Variants in INPP5A observed in about 807,000 individuals in gnomAD.
The protein encoded by INPP5A is inositol polyphosphate-5-phosphatase A.
In INPP5A, 14 loss-of-function variants were observed where a neutral mutation model predicts 65.2. The ratio of observed to expected loss-of-function variants is 0.21; its 90% CI spans 0.14 to 0.34. The LOEUF (loss-of-function observed/expected upper bound fraction) is 0.34, where lower values mean the gene tolerates loss of function less well. INPP5A is among the 10% of genes least tolerant of loss of function. The pLI is 1.00. For synonymous variants in INPP5A, 207 were observed against 208.3 expected, an observed-to-expected ratio of 0.99 and a Z score of 0.05; for missense variants, 431 against 545.6, an observed-to-expected ratio of 0.79 and a Z score of 2.09.
In INPP5A at chr10:132,727,439, G is replaced by C. The variant is rs1264728771; in HGVS notation, c.732+534G>C. On this transcript the variant is annotated intron_variant, in intron 9 of 15. Coordinates refer to ENST00000368594, the MANE Select transcript of INPP5A (RefSeq NM_005539.5). This position sits in a 1 kb window ranked among gnomAD's most constrained non-coding sequence, Gnocchi z 6.5. ...CTGGGTGTGGGAACTCAGGGGTCCA[G>C]GGTGCTCCTGGGTGTGCTTTCGGGC... is the stretch of plus-strand genomic sequence containing the variant. The C allele has an allele frequency of 6.6e-6, 1 of 152,410 alleles. No individual in the cohort carries two copies. Among genetic ancestry groups the C allele is most frequent in the East Asian group, 1.9e-4 (1 of 5,204 alleles). The allele number at this position is 152,410 out of a possible 1,614,324, so 9.4% of individuals were successfully genotyped here.
chr10:132,683,438 C>T (rs2133461673), intron 4 of INPP5A, among the ~76,000 whole-genome samples: 1 of 152,288 alleles, frequency 6.6e-6, no homozygotes, highest in East Asian at 1.9e-4. Context: ...GGTGACACAG[C>T]AAGGCTGTTA....
chr10:132,708,460 C>T (rs975641871), intron 7 of INPP5A, 95 bp downstream of exon 7: 2 of 1,284,098 alleles, frequency 1.6e-6, no homozygotes, highest in East Asian at 2.3e-5. Context: ...ATTGGAGGCT[C>T]TACTGATTTT....
At chr10:132,642,371 C>T (rs1258968946) in intron 2 of INPP5A, among the ~76,000 whole-genome samples, 1 of 152,220 alleles carries the variant, frequency 6.6e-6, no homozygotes, top group African/African-American at 2.4e-5. Context: ...GCCATCCTCT[C>T]GCATCAGGGC....
At chr10:132,570,118 T>C (rs2071322743) in intron 1 of INPP5A, among the ~76,000 whole-genome samples, 1 of 151,426 alleles carries the variant, frequency 6.6e-6, no homozygotes, top group Non-Finnish European at 1.5e-5. Flanking sequence ...TTTTTTTAAT[T>C]GAATTTTTAG....
In INPP5A at chr10:132,707,264, C is replaced by T. The variant is rs117481810; in HGVS notation, c.475-1049C>T. On this transcript the variant is annotated intron_variant, in intron 6 of 15. Transcript: ENST00000368594. The surrounding 1 kb of genome is among the most constrained non-coding windows in gnomAD (Gnocchi z 5.5). ...AGCAGCCCCTGTCCACCTCCGCCCC[C>T]GATGGCGCCAGGCATATGGCTGCTG... Among the ~76,000 whole-genome samples the T allele has an allele frequency of 7.0e-3, 1,063 of 152,338 alleles. 5 individuals are homozygous for T. The highest frequency in any genetic ancestry group is 0.024 in the South Asian group (118 of 4,826).
chr10:132,646,863 T>C (rs929210402), intron 3 of INPP5A, among the ~76,000 whole-genome samples: 3 of 152,306 alleles, frequency 2.0e-5, no homozygotes, highest in African/African-American at 4.8e-5. Flanking sequence ...GCTGCTGCCA[T>C]GCTCTGTGGG....
chr10:132,717,294 G>T (rs1845757554), intron 8 of INPP5A, among the ~76,000 whole-genome samples: 2 of 145,390 alleles, frequency 1.4e-5, no homozygotes, highest in Non-Finnish European at 2.9e-5. Flanking sequence ...AAGGGTTGGG[G>T]CTCCGAGGCT....
intron 8 of INPP5A, among the ~76,000 whole-genome samples, chr10:132,722,901 A>C (rs138685037): frequency 3.2e-4 from 48 of 152,350 alleles, no homozygotes; most frequent in African/African-American, 9.6e-4. Flanking sequence ...TTTTAGAACA[A>C]CTGTTTTTTT....
chr10:132,539,509 C>G (rs916568848), intron 1 of INPP5A, among the ~76,000 whole-genome samples: 1 of 152,142 alleles, frequency 6.6e-6, no homozygotes, highest in African/African-American at 2.4e-5. Flanking sequence ...TCTGGAGAGA[C>G]CAGGGAGCTG....
Position 132,705,298 on chromosome 10 carries a change from C to T in INPP5A, c.475-3015C>T, listed in dbSNP as rs1355009136. Among the ~76,000 whole-genome samples the T allele has an allele frequency of 3.9e-5, 6 of 152,332 alleles. No individual in the cohort carries two copies. The South Asian group carries it at 6.2e-4, about 16-fold the overall frequency. On this transcript the variant is annotated intron_variant, in intron 6 of 15. Coordinates refer to ENST00000368594, the MANE Select transcript of INPP5A (RefSeq NM_005539.5). This position sits in a 1 kb window ranked among gnomAD's most constrained non-coding sequence, Gnocchi z 4.9. ...AATCAGAGACAAGTGTCTGGTGCAG[C>T]ACGCAGGGAGCCTGCCACCCCGCCA...
rs1272147316 is a variant in INPP5A, at chr10:132,676,557, C to T, written c.307-13835C>T. ...AAGGTCCATGATAATGGGCTGAACA[C>T]AAGCAGGTGACTGTGTGGGACAGGG... On this transcript the variant is annotated intron_variant, in intron 4 of 15. Coordinates refer to ENST00000368594, the MANE Select transcript of INPP5A (RefSeq NM_005539.5). This position sits in a 1 kb window ranked among gnomAD's most constrained non-coding sequence, Gnocchi z 4.0. Among the ~76,000 whole-genome samples the T allele has an allele frequency of 1.3e-5, 2 of 152,188 alleles. No individual in the cohort carries two copies. The highest frequency in any genetic ancestry group is 1.5e-5 in the Non-Finnish European group (1 of 68,030).
At chr10:132,588,555 G>GC (rs1052623784) in intron 1 of INPP5A, among the ~76,000 whole-genome samples, 1 of 152,254 alleles carries the variant, frequency 6.6e-6, no homozygotes, top group African/African-American at 2.4e-5. Context: ...GTCGTGCGGG[G>GC]CAGGATTTCC....
intron 8 of INPP5A, among the ~76,000 whole-genome samples, chr10:132,712,036 A>G (rs1424510980): frequency 1.3e-5 from 2 of 152,156 alleles, no homozygotes; most frequent in African/African-American, 4.8e-5. Context: ...GGAGTGGGAG[A>G]GTCCTATGAG....
chr10:132,654,572 C>T (rs1013503247), intron 4 of INPP5A, among the ~76,000 whole-genome samples: 5 of 152,208 alleles, frequency 3.3e-5, no homozygotes, highest in Admixed American at 2.0e-4. Context: ...TGGGCAGCAG[C>T]GGCCAGCCAG....
intron 4 of INPP5A, among the ~76,000 whole-genome samples, chr10:132,671,115 A>C (rs1355472311): frequency 1.3e-5 from 2 of 151,260 alleles, no homozygotes; most frequent in Non-Finnish European, 2.9e-5. Flanking sequence ...CAGGTGGCCC[A>C]CTCCTTCTGG....
chr10:132,600,205 CCCTTAGAAAACT>C (rs1444468291), intron 1 of INPP5A, among the ~76,000 whole-genome samples: 8 of 152,362 alleles, frequency 5.3e-5, no homozygotes, highest in Admixed American at 3.3e-4. Flanking sequence ...TGCTCTGCTT[CCCTTAGAAAACT>C]GAATGCCTTT....
At chr10:132,566,845 AAG>A (rs1383824908) in intron 1 of INPP5A, among the ~76,000 whole-genome samples, 2 of 152,258 alleles carry the variant, frequency 1.3e-5, no homozygotes, top group Non-Finnish European at 2.9e-5. Context: ...ACAATTTAAC[AAG>A]AGAAAGAATA....
At chr10:132,606,051 G>A (rs987062277) in intron 1 of INPP5A, among the ~76,000 whole-genome samples, 1 of 152,152 alleles carries the variant, frequency 6.6e-6, no homozygotes. Context: ...GGGGCGAGGT[G>A]CACACAGTGA....
chr10:132,759,222 C>A (rs1846686357), intron 11 of INPP5A, among the ~76,000 whole-genome samples: 3 of 152,210 alleles, frequency 2.0e-5, no homozygotes, highest in African/African-American at 7.2e-5. Context: ...GACAGGAAGT[C>A]CCCAGGCCCC....
Sources: gnomAD v4.1 joint callset for allele counts (sites outside exome capture counted in the v4.1 genomes callset) on GRCh38, gnomAD v4.1.1 for gene constraint, Gnocchi (gnomAD v3.1) non-coding constraint, MANE v1.5 for transcripts, NCBI Gene and HGNC (gene_info 2026-07-23, HGNC 2026-07-21) for gene names.